Variants in CCL24 observed in about 807,000 individuals in gnomAD.
CCL24 encodes the protein C-C motif chemokine ligand 24.
CCL24 carries 6 observed loss-of-function variants against 8.6 expected under a neutral mutation model. That is an observed-to-expected ratio of 0.70 (90% confidence interval 0.38 to 1.38). CCL24 has a LOEUF of 1.38. Ranked by LOEUF, CCL24 falls within the 40% of genes most tolerant of loss-of-function variation. CCL24 has a pLI of 0.02. For synonymous variants in CCL24, 59 were observed against 52.7 expected, an observed-to-expected ratio of 1.12 and a Z score of -0.52; for missense variants, 126 against 147.1, an observed-to-expected ratio of 0.86 and a Z score of 0.74.
At chr7:75,819,299 AAAAAATATATATATATATATATATAT>A (rs1803971635) in intron 1 of CCL24, among the ~76,000 whole-genome samples, 1 of 11,010 alleles carries the variant, frequency 9.1e-5, no homozygotes, top group Non-Finnish European at 1.8e-4. Context: ...AAAAAAAAAA[AAAAAATATATATATATATATATATAT>A]ATATATATAT....
In CCL24 at chr7:75,811,480, G is replaced by GAAA. The variant is rs782139665; in HGVS notation, c.*313_*315dup. Among the ~76,000 whole-genome samples, 1 of 131,494 alleles carries GAAA rather than the reference G, an allele frequency of 7.6e-6. No individual in the cohort carries two copies. The highest frequency in any genetic ancestry group is 1.6e-5 in the Non-Finnish European group (1 of 61,010). The allele number at this position is 131,494 out of a possible 152,430, so 86.3% of individuals were successfully genotyped here. A position where few individuals can be genotyped will look rare whatever the true frequency, so the allele number is the denominator to read the frequency against. On this transcript the variant is annotated 3_prime_UTR_variant, in exon 3 of 3. Coordinates refer to ENST00000222902, the MANE Select transcript of CCL24 (RefSeq NM_002991.3). ...GGTGACAGAGCGAGACTCCGTCTCAGAAAAAAAAAAAAAAGAAAAAGCATC... is the reference window on the plus strand; with the variant it reads ...GGTGACAGAGCGAGACTCCGTCTCAGAAAAAAAAAAAAAAAAAGAAAAAGCATC...
chr7:75,811,616 G>GC lies in CCL24; in HGVS notation c.*179dup, dbSNP rs1256428351. 3.6e-6 allele frequency: 2 copies of GC among 550,046 alleles called. No homozygotes were observed. The highest frequency in any genetic ancestry group is 3.1e-6 in the Non-Finnish European group (1 of 318,890). The allele number at this position is 550,046 out of a possible 1,614,324, so 34.1% of individuals were successfully genotyped here. A position where few individuals can be genotyped will look rare whatever the true frequency, so the allele number is the denominator to read the frequency against. ...CTTGGATGCTTGGAGCCATTGCTCA[G>GC]CCCCCGGGAACCACATCACCTGCTC... On this transcript the variant is annotated 3_prime_UTR_variant, in exon 3 of 3. Coordinates refer to ENST00000222902, the MANE Select transcript of CCL24 (RefSeq NM_002991.3).
chr7:75,815,588 G>A (rs1803872640), upstream of CCL24, among the ~76,000 whole-genome samples: 1 of 152,192 alleles, frequency 6.6e-6, no homozygotes, highest in Non-Finnish European at 1.5e-5. Flanking sequence ...TTGGAGGACA[G>A]AAGGCACTGG....
upstream of CCL24, among the ~76,000 whole-genome samples, chr7:75,815,232 G>A (rs1276881006): frequency 5.3e-5 from 8 of 151,766 alleles, no homozygotes; most frequent in Admixed American, 4.6e-4. Context: ...CTAGCTACTT[G>A]GGAGGCTGAG....
intron 2 of CCL24, among the ~76,000 whole-genome samples, chr7:75,813,085 G>A (rs760460703): frequency 6.6e-6 from 1 of 152,230 alleles, no homozygotes; most frequent in East Asian, 1.9e-4. Flanking sequence ...TCCAGCTTGG[G>A]TGACAGAGCA....
Position 75,811,563 on chromosome 7 carries a change from C to T in CCL24, c.*233G>A, listed in dbSNP as rs989148279. 1.4e-5 allele frequency: 6 copies of T among 428,086 alleles called. No homozygotes were observed. Among genetic ancestry groups the T allele is most frequent in the Non-Finnish European group, 2.5e-5 (6 of 241,422 alleles). 26.5% of individuals were successfully genotyped at this position (428,086 alleles called of 1,614,324 possible). A position where few individuals can be genotyped will look rare whatever the true frequency, so the allele number is the denominator to read the frequency against. ...GCCACTGCTCTCCTTCTGGGATCTT[C>T]TCACCCAGCTCCAGAAAGGCAAGGG... On this transcript the variant is annotated 3_prime_UTR_variant, in exon 3 of 3. Transcript: ENST00000222902.
intron 1 of CCL24, 60 bp downstream of exon 1, chr7:75,813,583 C>T (rs1803822989): frequency 6.8e-7 from 1 of 1,477,650 alleles, no homozygotes; most frequent in Non-Finnish European, 9.5e-7. Flanking sequence ...GTCAGTCCTG[C>T]ACCCCCCACT....
rs782689287 is a variant in CCL24 at position 75,811,372 on chromosome 7, G to A, written c.*424C>T. ...TACACACCTGTAGTCCCAGGTACTC[G>A]GGAGGCTGAGGCACGAGAATCACTT... On this transcript the variant is annotated 3_prime_UTR_variant, in exon 3 of 3. Transcript: ENST00000222902. 2.0e-5 allele frequency among the ~76,000 whole-genome samples: 3 copies of A among 151,832 alleles called. No homozygotes were observed. Among genetic ancestry groups the A allele is most frequent in the Admixed American group, 6.6e-5 (1 of 15,240 alleles).
intron 1 of CCL24, among the ~76,000 whole-genome samples, chr7:75,820,473 G>A (rs879949028): frequency 3.3e-5 from 5 of 152,028 alleles, no homozygotes; most frequent in East Asian, 3.9e-4. Context: ...GAGCCACCTC[G>A]CCTGGCAGTG....
chr7:75,820,106 C>CTTCTTCTTCTTCTTCTTCTTCTT lies in CCL24; in HGVS notation c.-60+3215_-60+3216insAAGAAGAAGAAGAAGAAGAAGAA, dbSNP rs1554534861. Among the ~76,000 whole-genome samples the CTTCTTCTTCTTCTTCTTCTTCTT allele has an allele frequency of 5.3e-4, 38 of 72,040 alleles. 1 individual carries two copies. The East Asian group carries it at 7.1e-3, about 14-fold the overall frequency. 47.3% of individuals were successfully genotyped at this position (72,040 alleles called of 152,430 possible). On this transcript the variant is annotated intron_variant, in intron 1 of 3. Transcript: ENST00000416943. Reference sequence around the variant, plus strand: ...TCTTCTTCCTCTTCTTCTTCTTCTTCCTTCTTCTTCTTCTTCTTCTTCTTC... The same window carrying CTTCTTCTTCTTCTTCTTCTTCTT: ...TCTTCTTCCTCTTCTTCTTCTTCTTCTTCTTCTTCTTCTTCTTCTTCTTCTTCTTCTTCTTCTTCTTCTTCTTC...
intron 2 of CCL24, among the ~76,000 whole-genome samples, 193 bp downstream of exon 2, chr7:75,813,113 A>T (rs1803810154): frequency 6.6e-6 from 1 of 152,130 alleles, no homozygotes; most frequent in Admixed American, 6.6e-5. Context: ...ATCTCCTAAA[A>T]AGAAAAATGA....
At chr7:75,820,127 TCTTCTC>T (rs1250035406) in intron 1 of CCL24, among the ~76,000 whole-genome samples, 4 of 83,654 alleles carry the variant, frequency 4.8e-5, no homozygotes, top group African/African-American at 1.4e-4. Context: ...TTCTTCTTCT[TCTTCTC>T]CTCCTCCTCC....
chr7:75,819,268 CAAAAAAAAAAAAAAAAAAAAAAAA>C (rs1177321755), intron 1 of CCL24, among the ~76,000 whole-genome samples: 18 of 20,494 alleles, frequency 8.8e-4, no homozygotes, highest in African/African-American at 4.5e-3. Flanking sequence ...AACTCCGTCT[CAAAAAAAAAAAAAAAAAAAAAAAA>C]AAAAAAAAAA....
At chr7:75,819,287 A>T (rs1563353347) in intron 1 of CCL24, among the ~76,000 whole-genome samples, 3 of 22,806 alleles carry the variant, frequency 1.3e-4, no homozygotes, top group Admixed American at 7.2e-4. Context: ...AAAAAAAAAA[A>T]AAAAAAAAAA....
At chr7:75,817,264 G>A (rs530213823), upstream of CCL24, among the ~76,000 whole-genome samples, 4 of 152,176 alleles carry the variant, frequency 2.6e-5, no homozygotes, top group African/African-American at 7.2e-5. Context: ...AGTGGGTGCC[G>A]GGAGTGTGGT....
chr7:75,812,099 T>G, intron 2 of CCL24, 135 bp from the exon 3 acceptor site: 1 of 675,798 alleles, frequency 1.5e-6, no homozygotes, highest in Non-Finnish European at 2.5e-6. Flanking sequence ...GTCATCTTCA[T>G]TTTTTGACAC....
At position 75,811,112 on chromosome 7, in the gene CCL24, G is replaced by A. The variant is rs1803746008; in HGVS notation, c.*684C>T. Among the ~76,000 whole-genome samples, 1 of 151,110 alleles carries A rather than the reference G, an allele frequency of 6.6e-6. No individual in the cohort carries two copies. The highest frequency in any genetic ancestry group is 2.4e-5 in the African/African-American group (1 of 41,106). ...CCAAAAAGATTAAACTACCCAGGCT[G>A]GCCCTTCACCCCAGTCCTCCACGTT... On this transcript the variant is annotated 3_prime_UTR_variant, in exon 3 of 3. Transcript: ENST00000222902.
At chr7:75,813,950 G>A (rs1429194678), upstream of CCL24, 2 of 427,036 alleles carry the variant, frequency 4.7e-6, no homozygotes, top group African/African-American at 4.0e-5. Context: ...GCTGAGTCAA[G>A]GGTTATCTTG....
chr7:75,813,658 G>C lies in CCL24; in HGVS notation c.58C>G (p.His20Asp). The C allele has an allele frequency of 6.2e-7, 1 of 1,613,718 alleles. No homozygotes were observed. Among genetic ancestry groups the C allele is most frequent in the Non-Finnish European group, 8.5e-7 (1 of 1,179,620 alleles). The change falls in exon 1 of 3, where the codon CAC becomes GAC. Residue 20 changes from histidine to aspartate, a missense_variant. By Grantham distance (81) the His-to-Asp change is moderately conservative. Coordinates refer to ENST00000222902, the MANE Select transcript of CCL24 (RefSeq NM_002991.3). ...GAGGTCTTACCCGTAGGGATGATGT[G>C]GTGGGCACAGACACCAAGGAACAGA... is the stretch of plus-strand genomic sequence containing the variant. ...SLLFLGVCAH[H>D]IIPTGSVVIP...
Sources: allele counts gnomAD v4.1 joint callset (sites outside exome capture counted in the v4.1 genomes callset), GRCh38; gene constraint gnomAD v4.1.1; transcripts MANE v1.5; gene names NCBI Gene and HGNC (gene_info 2026-07-23, HGNC 2026-07-21).